Variants in GATAD2A observed in about 807,000 individuals in gnomAD.
GATAD2A encodes the protein transcriptional repressor p66-alpha.
In GATAD2A, 12 loss-of-function variants were observed where a neutral mutation model predicts 68.5. The ratio of observed to expected loss-of-function variants is 0.18; its 90% CI spans 0.11 to 0.28. The LOEUF (loss-of-function observed/expected upper bound fraction) is 0.28. GATAD2A is among the 10% of genes least tolerant of loss of function. The pLI is 1.00. For synonymous variants in GATAD2A, 410 were observed against 375.3 expected (o/e 1.09, Z -1.07); for missense variants, 755 against 868.5 (o/e 0.87, Z 1.64).
chr19:19,499,037 C>T (rs775020545), intron 8 of GATAD2A, among the ~76,000 whole-genome samples: 40 of 152,174 alleles, frequency 2.6e-4, no homozygotes, highest in Non-Finnish European at 5.4e-4. Context: ...TTGGCCTCCA[C>T]GAAGGGCTCT....
intron 6 of GATAD2A, 78 bp from the exon 7 acceptor site, chr19:19,495,974 A>G (rs1000449309): frequency 4.4e-6 from 7 of 1,581,240 alleles, no homozygotes; most frequent in African/African-American, 4.0e-5. Flanking sequence ...CTTGGGGGCA[A>G]GGTGCCCTGT....
chr19:19,420,761 C>G (rs750601485), intron 1 of GATAD2A, among the ~76,000 whole-genome samples: 36 of 152,092 alleles, frequency 2.4e-4, no homozygotes, highest in Middle Eastern at 3.4e-3. Flanking sequence ...GGTACGATGA[C>G]AGTCCCTCGT....
intron 2 of GATAD2A, among the ~76,000 whole-genome samples, chr19:19,465,919 G>A (rs1440955928): frequency 2.0e-5 from 3 of 152,194 alleles, no homozygotes; most frequent in South Asian, 2.1e-4. Context: ...TGTCCAACTC[G>A]GTGCTTTTGG....
chr19:19,465,434 A>G lies in GATAD2A; in HGVS notation c.89A>G (p.Lys30Arg), dbSNP rs564977784. The change falls in exon 2 of 12, where the codon AAA becomes AGA. Residue 30 changes from lysine (K) to arginine (R), a missense_variant. By Grantham distance (26) the Lys-to-Arg change is conservative. Coordinates refer to ENST00000683918, the MANE Select transcript of GATAD2A (RefSeq NM_001384528.1). ...GACGATGTGGAGAGCAAGAAAATAA[A>G]AATGGAGAGAGGATTGTTGGCTTCA... ...TEDDVESKKI[K>R]MERGLLASDL... 1.2e-6 allele frequency: 2 copies of G among 1,613,930 alleles called. No homozygotes were observed. Among genetic ancestry groups the G allele is most frequent in the East Asian group, 4.5e-5 (2 of 44,886 alleles).
At chr19:19,494,499 C>T (rs1210969155) in intron 5 of GATAD2A, 116 bp downstream of exon 5, 6 of 637,992 alleles carry the variant, frequency 9.4e-6, no homozygotes, top group Non-Finnish European at 1.7e-5. Context: ...TTGCGCTTTC[C>T]TTCTGAGTAG....
intron 1 of GATAD2A, among the ~76,000 whole-genome samples, chr19:19,393,656 C>T (rs1272264083): frequency 1.3e-5 from 2 of 152,054 alleles, no homozygotes; most frequent in African/African-American, 4.8e-5. Context: ...CTGCAGCTAC[C>T]CTCATTGGGA....
At chr19:19,418,975 G>A (rs903728279) in intron 1 of GATAD2A, among the ~76,000 whole-genome samples, 2 of 152,172 alleles carry the variant, frequency 1.3e-5, no homozygotes, top group African/African-American at 4.8e-5. Flanking sequence ...GTGGGAGTGG[G>A]CTGGGATGTA....
intron 1 of GATAD2A, among the ~76,000 whole-genome samples, chr19:19,450,535 G>C (rs1387269225): frequency 1.3e-5 from 2 of 151,966 alleles, no homozygotes; most frequent in African/African-American, 4.8e-5. Flanking sequence ...AGTGTGTTCT[G>C]TGCCTTTTGA....
chr19:19,388,626 G>T (rs2048625584), intron 1 of GATAD2A, among the ~76,000 whole-genome samples: 1 of 151,758 alleles, frequency 6.6e-6, no homozygotes. Context: ...CAGCCGTGAG[G>T]CCATCACAGT....
chr19:19,462,523 T>A, intron 1 of GATAD2A, among the ~76,000 whole-genome samples: 1 of 152,320 alleles, frequency 6.6e-6, no homozygotes, highest in South Asian at 2.1e-4. Flanking sequence ...AGGCCAGCCG[T>A]CAGTGCCGGG....
At chr19:19,419,176 C>T (rs908413851) in intron 1 of GATAD2A, among the ~76,000 whole-genome samples, 1 of 145,476 alleles carries the variant, frequency 6.9e-6, no homozygotes, top group Non-Finnish European at 1.6e-5. Context: ...TGCACACACT[C>T]CCTGTCGAGG....
At position 19,505,711 on chromosome 19, in the gene GATAD2A, G is replaced by A. The variant is rs917392807; in HGVS notation, c.*237G>A. ...GGATCATCGCTGGGGGACCTTTCCC[G>A]TGGGCTTTCTTCCTTTCTCTCTTTG... On this transcript the variant is annotated 3_prime_UTR_variant, in exon 12 of 12. Coordinates refer to ENST00000683918, the MANE Select transcript of GATAD2A (RefSeq NM_001384528.1). 12 of 474,532 alleles carry A rather than the reference G, an allele frequency of 2.5e-5. No individual in the cohort carries two copies. Among genetic ancestry groups the A allele is most frequent in the Admixed American group, 4.3e-5 (1 of 23,238 alleles). The allele number at this position is 474,532 out of a possible 1,614,324, so 29.4% of individuals were successfully genotyped here.
At chr19:19,419,603 G>A (rs1472635865) in intron 1 of GATAD2A, among the ~76,000 whole-genome samples, 1 of 142,998 alleles carries the variant, frequency 7.0e-6, no homozygotes, top group African/African-American at 2.6e-5. Flanking sequence ...TGCAGCCTCC[G>A]CCTCCCAGGT....
chr19:19,491,963 T>G (rs975088895), intron 2 of GATAD2A, among the ~76,000 whole-genome samples: 2 of 152,134 alleles, frequency 1.3e-5, no homozygotes, highest in Non-Finnish European at 2.9e-5. Context: ...GAGCCGAGTG[T>G]TTACCTGATC....
At chr19:19,421,621 C>G (rs1348970765) in intron 1 of GATAD2A, among the ~76,000 whole-genome samples, 1 of 152,062 alleles carries the variant, frequency 6.6e-6, no homozygotes, top group East Asian at 1.9e-4. Context: ...TGACATGAAG[C>G]CTGATGTGTG....
intron 1 of GATAD2A, among the ~76,000 whole-genome samples, chr19:19,391,095 A>AT (rs1335569236): frequency 6.6e-6 from 1 of 151,910 alleles, no homozygotes; most frequent in African/African-American, 2.4e-5. Context: ...TCTTGAGAGG[A>AT]TTTTTTTCTT....
chr19:19,467,331 G>A lies in GATAD2A; in HGVS notation c.269+1717G>A, dbSNP rs8111835. Among the ~76,000 whole-genome samples, 1,490 of 152,236 alleles carry A rather than the reference G, an allele frequency of 9.8e-3. 25 individuals carry two copies. Among genetic ancestry groups the A allele is most frequent in the African/African-American group, 0.034 (1,415 of 41,532 alleles). On this transcript the variant is annotated intron_variant, in intron 2 of 11. Transcript: ENST00000683918. ...GCGGAGCTTGCAATGAGCCGAGATCGCGCCACTGTACTTCAGCCTGGGGAA... is the reference window on the plus strand; with the variant it reads ...GCGGAGCTTGCAATGAGCCGAGATCACGCCACTGTACTTCAGCCTGGGGAA...
chr19:19,397,150 T>A (rs142075014), intron 1 of GATAD2A, among the ~76,000 whole-genome samples: 1 of 152,226 alleles, frequency 6.6e-6, no homozygotes, highest in African/African-American at 2.4e-5. Context: ...GCTGATCACA[T>A]TGGCAAGAAA....
chr19:19,469,968 G>A (rs2058159296), intron 2 of GATAD2A, among the ~76,000 whole-genome samples: 1 of 150,980 alleles, frequency 6.6e-6, no homozygotes, highest in African/African-American at 2.4e-5. Flanking sequence ...AAAGAAGCAA[G>A]ATTCAGCTTA....
Sources: gnomAD v4.1 joint callset for allele counts (sites outside exome capture counted in the v4.1 genomes callset) on GRCh38, gnomAD v4.1.1 for gene constraint, MANE v1.5 for transcripts, NCBI Gene and HGNC (gene_info 2026-07-23, HGNC 2026-07-21) for gene names.